The following DCAF8L2 variants were observed in gnomAD, a reference collection of about 807,000 sequenced individuals.
DCAF8L2 encodes DDB1- and CUL4-associated factor 8-like protein 2.
For missense variants in DCAF8L2, 430 were observed against 490.7 expected (o/e 0.88, Z 1.17); for synonymous variants, 200 against 190.9 (o/e 1.05, Z -0.39).
the DCAF8L2 span, among the ~76,000 whole-genome samples, chrX:27,481,102 G>T: frequency 2.7e-5 from 3 of 111,318 alleles, no homozygotes; most frequent in Non-Finnish European, 5.6e-5. Flanking sequence ...TATTGGCCGG[G>T]TGCAGTGGCT....
At chrX:27,706,584 T>C (rs1931353744) in intron 3 of DCAF8L2, among the ~76,000 whole-genome samples, 1 of 111,919 alleles carries the variant, frequency 8.9e-6, no homozygotes. Flanking sequence ...AATGAGATGC[T>C]ACTTCACACC....
At chrX:27,620,053 A>C (rs1399587582) in intron 1 of DCAF8L2, among the ~76,000 whole-genome samples, 1 of 111,569 alleles carries the variant, frequency 9.0e-6, no homozygotes, top group Non-Finnish European at 1.9e-5. Context: ...AAACTTATTA[A>C]AAGATGCTAA....
chrX:27,511,628 G>A, the DCAF8L2 span, among the ~76,000 whole-genome samples: 1 of 112,311 alleles, frequency 8.9e-6, no homozygotes, highest in Non-Finnish European at 1.9e-5. Context: ...CTGAACTGGA[G>A]AATAAGTTCT....
intron 4 of DCAF8L2, among the ~76,000 whole-genome samples, chrX:27,724,026 C>CATATATATGTATTTGTATTAT (rs1411893058): frequency 9.1e-6 from 1 of 109,953 alleles, no homozygotes; most frequent in Non-Finnish European, 1.9e-5. Context: ...TTCATATTTG[C>CATATATATGTATTTGTATTAT]ATATATTTGT....
At chrX:27,720,573 C>G (rs1376186861) in intron 4 of DCAF8L2, among the ~76,000 whole-genome samples, 1 of 110,724 alleles carries the variant, frequency 9.0e-6, no homozygotes, top group Non-Finnish European at 1.9e-5. Context: ...CGGGGTTTCA[C>G]CTTGTTAGCC....
At chrX:27,703,281 C>T (rs771206682) in intron 3 of DCAF8L2, among the ~76,000 whole-genome samples, 50 of 111,166 alleles carry the variant, frequency 4.5e-4, no homozygotes, top group Non-Finnish European at 8.5e-4. Flanking sequence ...AATCTACAAT[C>T]TCTATCAAAA....
intron 1 of DCAF8L2, among the ~76,000 whole-genome samples, chrX:27,617,910 C>G (rs980266251): frequency 1.8e-5 from 2 of 111,722 alleles, no homozygotes; most frequent in Non-Finnish European, 3.8e-5. Context: ...TAAATGGGCA[C>G]TATTTCAAAA....
intron 3 of DCAF8L2, among the ~76,000 whole-genome samples, chrX:27,690,538 G>C (rs746215393): frequency 1.6e-4 from 18 of 110,399 alleles, no homozygotes; most frequent in South Asian, 3.9e-4. Flanking sequence ...TGCCCACCAA[G>C]GTCTGACCAC....
At chrX:27,659,962 T>C (rs1029869522) in intron 2 of DCAF8L2, among the ~76,000 whole-genome samples, 4 of 111,966 alleles carry the variant, frequency 3.6e-5, no homozygotes, top group East Asian at 2.8e-4. Flanking sequence ...TGGAGAATTA[T>C]TGTCCTTCTT....
At chrX:27,724,575 C>G (rs1171901127) in intron 4 of DCAF8L2, among the ~76,000 whole-genome samples, 2 of 110,902 alleles carry the variant, frequency 1.8e-5, no homozygotes, top group Non-Finnish European at 1.9e-5. Context: ...CATTACTGTA[C>G]TGGGTTACCT....
chrX:27,600,927 C>G (rs1926607880), intron 1 of DCAF8L2, among the ~76,000 whole-genome samples: 1 of 109,794 alleles, frequency 9.1e-6, no homozygotes, highest in Non-Finnish European at 1.9e-5. Context: ...TCCCATGTTA[C>G]AGTGCTCTGG....
At chrX:27,492,481 C>CTT in the DCAF8L2 span, among the ~76,000 whole-genome samples, 3,473 of 96,122 alleles carry the variant, frequency 0.036, 155 homozygotes, top group African/African-American at 0.11. Flanking sequence ...TTCTTTCTTT[C>CTT]TTTTTTTTTT....
At chrX:27,745,379 A>T (rs184992375) in intron 4 of DCAF8L2, among the ~76,000 whole-genome samples, 2 of 112,165 alleles carry the variant, frequency 1.8e-5, no homozygotes, top group East Asian at 5.6e-4. Flanking sequence ...AATTGAAATT[A>T]TTGACTATCC....
chrX:27,490,670 C>G, the DCAF8L2 span, among the ~76,000 whole-genome samples: 1 of 110,666 alleles, frequency 9.0e-6, no homozygotes, highest in African/African-American at 3.3e-5. Context: ...CCATATTAGC[C>G]AGTCTGGTCT....
the DCAF8L2 span, among the ~76,000 whole-genome samples, chrX:27,482,199 A>G: frequency 9.0e-6 from 1 of 111,653 alleles, no homozygotes; most frequent in African/African-American, 3.2e-5. Context: ...CTTTTTAATC[A>G]TATTGCAAAT....
chrX:27,733,810 G>C (rs1004668076), intron 4 of DCAF8L2, among the ~76,000 whole-genome samples: 1 of 111,161 alleles, frequency 9.0e-6, no homozygotes, highest in Admixed American at 9.6e-5. Context: ...GTGCGGTCTT[G>C]GTGCCCTTAT....
At chrX:27,593,536 C>T (rs897896213) in intron 1 of DCAF8L2, among the ~76,000 whole-genome samples, 28 of 111,671 alleles carry the variant, frequency 2.5e-4, no homozygotes, top group African/African-American at 8.5e-4. Flanking sequence ...AGACCAGGGG[C>T]TGTTAGGGTG....
intron 4 of DCAF8L2, among the ~76,000 whole-genome samples, chrX:27,727,928 G>T (rs1293470918): frequency 9.0e-6 from 1 of 111,321 alleles, no homozygotes; most frequent in African/African-American, 3.3e-5. Context: ...TATTGTAAAT[G>T]CACCATTATT....
intron 4 of DCAF8L2, among the ~76,000 whole-genome samples, chrX:27,743,479 C>A (rs1921978254): frequency 9.1e-6 from 1 of 109,968 alleles, no homozygotes; most frequent in South Asian, 3.9e-4. Context: ...CTCACTGCAA[C>A]CTCTGCCTCC....
Sources: allele counts gnomAD v4.1 joint callset (sites outside exome capture counted in the v4.1 genomes callset), GRCh38; gene constraint gnomAD v4.1.1; transcripts MANE v1.5; gene names NCBI Gene and HGNC (gene_info 2026-07-23, HGNC 2026-07-21).